Variants in FGGY observed in about 807,000 individuals in gnomAD.
FGGY encodes FGGY carbohydrate kinase domain containing.
Under a neutral mutation model 71.3 loss-of-function variants are expected in FGGY, and 72 were observed. That is an observed-to-expected ratio of 1.01 (90% CI 0.84 to 1.23). The LOEUF is 1.23. Ranked by LOEUF, FGGY falls within the 50% of genes most tolerant of loss-of-function variation. The probability of loss-of-function intolerance (pLI) is 0.00; values close to 1 mark genes in which losing one functional copy is unlikely to be tolerated. For missense variants in FGGY, 668 were observed against 682.3 expected, an observed-to-expected ratio of 0.98 and a Z score of 0.23; for synonymous variants, 251 against 250.3, an observed-to-expected ratio of 1.00 and a Z score of -0.02.
intron 14 of FGGY, among the ~76,000 whole-genome samples, chr1:59,696,566 C>A (rs72919673): frequency 0.013 from 1,968 of 152,230 alleles, 42 homozygotes; most frequent in African/African-American, 0.044. Context: ...GTGGCGGGGG[C>A]CCAGGACTAA....
At chr1:59,542,452 T>TAC (rs1363509316) in intron 7 of FGGY, among the ~76,000 whole-genome samples, 4 of 110,440 alleles carry the variant, frequency 3.6e-5, no homozygotes, top group African/African-American at 1.9e-4. Flanking sequence ...TTACTTTTTT[T>TAC]TTTTTTTTTT....
In FGGY at chr1:59,490,769, A is replaced by G. The variant is rs371457451; in HGVS notation, c.671-21542A>G. Among the ~76,000 whole-genome samples, 209 of 152,176 alleles carry G rather than the reference A, an allele frequency of 1.4e-3. 3 individuals are homozygous for G. Among genetic ancestry groups the G allele is most frequent in the African/African-American group, 4.9e-3 (205 of 41,534 alleles). On this transcript the variant is annotated intron_variant, in intron 6 of 15. Transcript: ENST00000303721. ...CCAGTTTTCTGAGCACCATTTATTG[A>G]CAAGACTGTCCTTTCAAAGCCCAGT... is the stretch of plus-strand genomic sequence containing the variant.
intron 14 of FGGY, among the ~76,000 whole-genome samples, chr1:59,697,999 T>A (rs892625421): frequency 6.6e-6 from 1 of 152,196 alleles, no homozygotes; most frequent in African/African-American, 2.4e-5. Flanking sequence ...AATAATACTT[T>A]TATCAAAAAA....
intron 8 of FGGY, among the ~76,000 whole-genome samples, chr1:59,557,124 A>T (rs1229739321): frequency 2.0e-5 from 3 of 152,124 alleles, no homozygotes; most frequent in Non-Finnish European, 2.9e-5. Flanking sequence ...GAGGTCTAGG[A>T]GAGGTGCAGG....
At chr1:59,315,136 T>C (rs1328316314) in intron 1 of FGGY, among the ~76,000 whole-genome samples, 1 of 152,198 alleles carries the variant, frequency 6.6e-6, no homozygotes, top group African/African-American at 2.4e-5. Flanking sequence ...TTGTGTTTTG[T>C]TTCTTTGGAT....
intron 10 of FGGY, among the ~76,000 whole-genome samples, chr1:59,633,217 A>C (rs2096924975): frequency 6.6e-6 from 1 of 152,018 alleles, no homozygotes; most frequent in Non-Finnish European, 1.5e-5. Context: ...TCACCGTGTT[A>C]GCCAGGATGG....
At chr1:59,591,985 C>T (rs976306630) in intron 8 of FGGY, among the ~76,000 whole-genome samples, 2 of 152,126 alleles carry the variant, frequency 1.3e-5, no homozygotes, top group African/African-American at 2.4e-5. Context: ...AAGAAACTAC[C>T]ATCAGACTGA....
chr1:59,321,185 T>G (rs1210000503), intron 1 of FGGY, among the ~76,000 whole-genome samples: 5 of 152,224 alleles, frequency 3.3e-5, no homozygotes, highest in African/African-American at 1.2e-4. Flanking sequence ...TGAAATTCAC[T>G]GAGAAGAAAC....
chr1:59,656,229 C>G (rs2097217198), intron 11 of FGGY, among the ~76,000 whole-genome samples: 1 of 152,196 alleles, frequency 6.6e-6, no homozygotes, highest in Admixed American at 6.5e-5. Context: ...ACAGGCACAT[C>G]AATAAACACA....
intron 6 of FGGY, among the ~76,000 whole-genome samples, chr1:59,467,362 G>C (rs545317917): frequency 2.6e-5 from 4 of 152,110 alleles, no homozygotes; most frequent in East Asian, 1.9e-4. Flanking sequence ...GTGGGGGAAT[G>C]GGGGAGGGAT....
chr1:59,447,095 C>T (rs1429037463), intron 5 of FGGY, among the ~76,000 whole-genome samples: 2 of 152,082 alleles, frequency 1.3e-5, no homozygotes, highest in Non-Finnish European at 2.9e-5. Context: ...CTGGAGGCTC[C>T]TACCTAACTA....
intron 1 of FGGY, among the ~76,000 whole-genome samples, chr1:59,311,504 G>T (rs377282729): frequency 6.6e-6 from 1 of 151,894 alleles, no homozygotes; most frequent in African/African-American, 2.4e-5. Flanking sequence ...TTGGTTTTCT[G>T]TTCCTGTGTT....
rs115220485 is a variant in FGGY, at chr1:59,728,769, A to G, written c.1513-29162A>G. 1.2e-3 allele frequency among the ~76,000 whole-genome samples: 184 copies of G among 152,132 alleles called. 1 individual carries two copies. The highest frequency in any genetic ancestry group is 4.3e-3 in the African/African-American group (177 of 41,546). ...TTGTAATTCCTATGTTTGTTTCTCT[A>G]TAGATTAGGTGGATTTCTTGCCCCC... On this transcript the variant is annotated intron_variant, in intron 14 of 15. Coordinates refer to ENST00000303721, the MANE Select transcript of FGGY (RefSeq NM_018291.5).
chr1:59,362,412 C>T (rs1318081607), intron 4 of FGGY, among the ~76,000 whole-genome samples: 2 of 152,224 alleles, frequency 1.3e-5, no homozygotes, highest in Non-Finnish European at 2.9e-5. Flanking sequence ...TCACAAAACA[C>T]TCTCCACACA....
intron 6 of FGGY, among the ~76,000 whole-genome samples, chr1:59,458,203 A>G (rs924582882): frequency 6.6e-6 from 1 of 152,214 alleles, no homozygotes; most frequent in Non-Finnish European, 1.5e-5. Context: ...TTTGCTGAAT[A>G]TTCCCATGGT....
At chr1:59,571,703 T>A (rs769734157) in intron 8 of FGGY, among the ~76,000 whole-genome samples, 7 of 152,162 alleles carry the variant, frequency 4.6e-5, no homozygotes, top group Admixed American at 1.3e-4. Context: ...TCAACTCAAA[T>A]TTCATCAATA....
intron 5 of FGGY, among the ~76,000 whole-genome samples, chr1:59,446,818 G>C (rs2071379505): frequency 6.6e-6 from 1 of 152,168 alleles, no homozygotes; most frequent in East Asian, 1.9e-4. Flanking sequence ...GAGAACAAAA[G>C]GTTTCCCTTG....
intron 2 of FGGY, among the ~76,000 whole-genome samples, chr1:59,339,526 G>A (rs539818884): frequency 4.8e-4 from 73 of 151,878 alleles, no homozygotes; most frequent in East Asian, 9.7e-4. Flanking sequence ...GTACAATGGC[G>A]TGATCTCGGC....
intron 10 of FGGY, among the ~76,000 whole-genome samples, chr1:59,632,209 A>G: frequency 6.6e-6 from 1 of 152,246 alleles, no homozygotes; most frequent in East Asian, 1.9e-4. Context: ...GCAAATATGC[A>G]TACTATATAC....
Sources: allele counts gnomAD v4.1 joint callset (sites outside exome capture counted in the v4.1 genomes callset), GRCh38; gene constraint gnomAD v4.1.1; transcripts MANE v1.5; gene names NCBI Gene and HGNC (gene_info 2026-07-23, HGNC 2026-07-21).